GDPD1: variants seen among roughly 807,000 people sequenced by gnomAD.
GDPD1 encodes lysophospholipase D GDPD1.
Under a neutral mutation model 45.1 loss-of-function variants are expected in GDPD1, and 28 were observed. That is an observed-to-expected ratio of 0.62 (90% CI 0.46 to 0.85). GDPD1 has a LOEUF of 0.85. GDPD1 is among the 40% of genes least tolerant of loss of function. GDPD1 has a pLI of 0.00. For missense variants in GDPD1, 256 were observed against 364.8 expected (o/e 0.70, Z 2.43); for synonymous variants, 139 against 131.4 (o/e 1.06, Z -0.40).
At chr17:59,226,274 A>G (rs2047046601) in intron 1 of GDPD1, among the ~76,000 whole-genome samples, 1 of 152,096 alleles carries the variant, frequency 6.6e-6, no homozygotes, top group Non-Finnish European at 1.5e-5. Context: ...ATGTATTTCC[A>G]TAGTTTTAGA....
intron 1 of GDPD1, among the ~76,000 whole-genome samples, chr17:59,225,354 C>T (rs2047040002): frequency 6.6e-6 from 1 of 151,956 alleles, no homozygotes; most frequent in African/African-American, 2.4e-5. Flanking sequence ...ATTAGCCTGC[C>T]TCACCTCCCA....
chr17:59,220,535 C>A lies in GDPD1; in HGVS notation c.-75C>A. On this transcript the variant is annotated 5_prime_UTR_variant, in exon 1 of 10. Coordinates refer to ENST00000284116, the MANE Select transcript of GDPD1 (RefSeq NM_182569.4). Reference sequence around the variant, plus strand: ...CGAGCCGACCTCGAGCAGCCGCCGCCGCCGCCGTCGTTGCTACTGCCGCAG... The same window carrying A: ...CGAGCCGACCTCGAGCAGCCGCCGCAGCCGCCGTCGTTGCTACTGCCGCAG... The A allele has an allele frequency of 6.6e-7, 1 of 1,522,150 alleles. No individual in the cohort carries two copies. Among genetic ancestry groups the A allele is most frequent in the Non-Finnish European group, 8.9e-7 (1 of 1,121,094 alleles). 94.3% of individuals were successfully genotyped at this position (1,522,150 alleles called of 1,614,324 possible).
chr17:59,255,843 A>ATACGCG lies in GDPD1; in HGVS notation c.368-1277_368-1276insCGCGTA, dbSNP rs1568346928. ...TATATATATACGCGTATATATATAT[A>ATACGCG]TATATATACACACGTATATATATAT... On this transcript the variant is annotated intron_variant, in intron 4 of 9. Coordinates refer to ENST00000284116, the MANE Select transcript of GDPD1 (RefSeq NM_182569.4). Among the ~76,000 whole-genome samples the ATACGCG allele has an allele frequency of 8.1e-4, 76 of 94,066 alleles. 2 individuals are homozygous for ATACGCG. Among genetic ancestry groups the ATACGCG allele is most frequent in the African/African-American group, 4.6e-3 (71 of 15,514 alleles). 61.7% of individuals were successfully genotyped at this position (94,066 alleles called of 152,430 possible). A position where few individuals can be genotyped will look rare whatever the true frequency, so the allele number is the denominator to read the frequency against.
chr17:59,248,943 G>T, intron 4 of GDPD1, 158 bp downstream of exon 4: 1 of 523,602 alleles, frequency 1.9e-6, no homozygotes, highest in Non-Finnish European at 3.4e-6. Flanking sequence ...GAAATTATCA[G>T]GTCCAAAGAG....
Position 59,275,178 on chromosome 17 carries a change from G to A in GDPD1, c.*1405G>A. On this transcript the variant is annotated 3_prime_UTR_variant, in exon 10 of 10. Transcript: ENST00000284116. Reference sequence around the variant, plus strand: ...TTTTGAAGGCCATTGCAGCTATTTGGTAGTGTCTTGTTATTTCTAGGTGTA... The same window carrying A: ...TTTTGAAGGCCATTGCAGCTATTTGATAGTGTCTTGTTATTTCTAGGTGTA... 6.5e-7 allele frequency: 1 copy of A among 1,537,284 alleles called. No individual in the cohort carries two copies. Among genetic ancestry groups the A allele is most frequent in the African/African-American group, 1.4e-5 (1 of 73,144 alleles).
chr17:59,239,923 G>A (rs549824471), intron 2 of GDPD1, among the ~76,000 whole-genome samples: 7 of 151,722 alleles, frequency 4.6e-5, no homozygotes, highest in East Asian at 3.9e-4. Context: ...TTTTAGAGAC[G>A]GGGTTTTGTA....
chr17:59,247,208 C>T (rs928590208), intron 3 of GDPD1, among the ~76,000 whole-genome samples: 8 of 152,176 alleles, frequency 5.3e-5, no homozygotes, highest in Admixed American at 4.6e-4. Context: ...AACATCTGCA[C>T]CAGATTGGTA....
At chr17:59,255,831 GTATATA>G (rs369473417) in intron 4 of GDPD1, among the ~76,000 whole-genome samples, 7 of 62,972 alleles carry the variant, frequency 1.1e-4, no homozygotes, top group East Asian at 4.2e-4. Context: ...ATATATACGC[GTATATA>G]TATATATATA....
chr17:59,267,847 T>A (rs1174410227), intron 7 of GDPD1, among the ~76,000 whole-genome samples: 3 of 151,948 alleles, frequency 2.0e-5, no homozygotes, highest in Non-Finnish European at 4.4e-5. Flanking sequence ...TTTTTGTAGT[T>A]TTAGTAGAGA....
chr17:59,222,268 G>A (rs1176096498), intron 1 of GDPD1, among the ~76,000 whole-genome samples: 2 of 151,924 alleles, frequency 1.3e-5, no homozygotes, highest in Non-Finnish European at 2.9e-5. Flanking sequence ...GTGCAGTGGC[G>A]CGATCTCGGC....
chr17:59,240,346 G>A (rs1441830636), intron 2 of GDPD1, among the ~76,000 whole-genome samples: 1 of 151,528 alleles, frequency 6.6e-6, no homozygotes, highest in East Asian at 1.9e-4. Flanking sequence ...TACATAATAA[G>A]GATATAAAGA....
chr17:59,255,796 T>TATATACAC lies in GDPD1; in HGVS notation c.368-1326_368-1325insATATACAC, dbSNP rs1491103776. Among the ~76,000 whole-genome samples the TATATACAC allele has an allele frequency of 7.8e-4, 45 of 57,326 alleles. 1 individual carries two copies. The highest frequency in any genetic ancestry group is 5.6e-3 in the African/African-American group (43 of 7,676). 37.6% of individuals were successfully genotyped at this position (57,326 alleles called of 152,430 possible). ...ATATATATATATATACGCGTATATA[T>TATATACAC]GTATATATATATATACGCGTATATA... On this transcript the variant is annotated intron_variant, in intron 4 of 9. Transcript: ENST00000284116.
Position 59,268,557 on chromosome 17 carries a change from C to T in GDPD1, c.710+1383C>T, listed in dbSNP as rs572882093. Among the ~76,000 whole-genome samples, 18 of 116,622 alleles carry T rather than the reference C, an allele frequency of 1.5e-4. No homozygotes were observed. In the South Asian group the frequency reaches 1.9e-3, roughly 12 times the overall value. The allele number at this position is 116,622 out of a possible 152,430, so 76.5% of individuals were successfully genotyped here. ...TTGCGCCACTGCACTCCAGCCTGGGCGACAGAGCGAGACTCTGTCTCAAAA... is the reference window on the plus strand; with the variant it reads ...TTGCGCCACTGCACTCCAGCCTGGGTGACAGAGCGAGACTCTGTCTCAAAA... On this transcript the variant is annotated intron_variant, in intron 7 of 9. Coordinates refer to ENST00000284116, the MANE Select transcript of GDPD1 (RefSeq NM_182569.4).
intron 1 of GDPD1, among the ~76,000 whole-genome samples, chr17:59,226,981 T>C (rs2147873406): frequency 6.6e-6 from 1 of 152,086 alleles, no homozygotes; most frequent in South Asian, 2.1e-4. Context: ...GCGCCCACCC[T>C]GAGCAGTACC....
Position 59,255,855 on chromosome 17 carries a change from A to ATATATATATACG in GDPD1, c.368-1267_368-1266insTATATATATACG, listed in dbSNP as rs1568346968. Among the ~76,000 whole-genome samples, 17 of 82,872 alleles carry ATATATATATACG rather than the reference A, an allele frequency of 2.1e-4. No individual in the cohort carries two copies. In the East Asian group the frequency reaches 2.8e-3, roughly 13 times the overall value. The allele number at this position is 82,872 out of a possible 152,430, so 54.4% of individuals were successfully genotyped here. ...CGTATATATATATATATATATACAC[A>ATATATATATACG]CGTATATATATATATATATACACAC... On this transcript the variant is annotated intron_variant, in intron 4 of 9. Coordinates refer to ENST00000284116, the MANE Select transcript of GDPD1 (RefSeq NM_182569.4).
chr17:59,250,138 A>G (rs2047241934), intron 4 of GDPD1, among the ~76,000 whole-genome samples: 1 of 152,208 alleles, frequency 6.6e-6, no homozygotes, highest in Non-Finnish European at 1.5e-5. Flanking sequence ...TTTGATTTCA[A>G]TTTCCAGGTA....
chr17:59,270,535 A>T (rs1368451064), intron 7 of GDPD1, among the ~76,000 whole-genome samples: 1 of 152,030 alleles, frequency 6.6e-6, no homozygotes, highest in Non-Finnish European at 1.5e-5. Flanking sequence ...CACGTGGTAA[A>T]CTGCTCACTT....
intron 8 of GDPD1, among the ~76,000 whole-genome samples, chr17:59,271,401 C>T (rs2047442950): frequency 6.6e-6 from 1 of 151,972 alleles, no homozygotes; most frequent in Non-Finnish European, 1.5e-5. Flanking sequence ...TGCTCTGCAC[C>T]AAGACTTAAC....
chr17:59,250,185 T>G (rs955021317), intron 4 of GDPD1, among the ~76,000 whole-genome samples: 1 of 152,256 alleles, frequency 6.6e-6, no homozygotes, highest in Non-Finnish European at 1.5e-5. Flanking sequence ...TTTTCTTCAT[T>G]CTTGTAACTT....
Sources: gnomAD v4.1 joint callset for allele counts (sites outside exome capture counted in the v4.1 genomes callset) on GRCh38, gnomAD v4.1.1 for gene constraint, MANE v1.5 for transcripts, NCBI Gene and HGNC (gene_info 2026-07-23, HGNC 2026-07-21) for gene names.